The following TENM2 variants were observed in gnomAD, a reference collection of about 807,000 sequenced individuals.
TENM2 encodes teneurin-2.
Under a neutral mutation model 245.2 loss-of-function variants are expected in TENM2, and 52 were observed. The observed-to-expected ratio is 0.21, with a 90% confidence interval of 0.17 to 0.27. The LOEUF (loss-of-function observed/expected upper bound fraction) is 0.27. Ranked by LOEUF, TENM2 falls within the 10% of genes least tolerant of loss-of-function variation. TENM2 has a pLI of 1.00. For missense variants in TENM2, 3,046 were observed against 3,666.8 expected, an observed-to-expected ratio of 0.83 and a Z score of 4.37; for synonymous variants, 1,363 against 1,438.9, an observed-to-expected ratio of 0.95 and a Z score of 1.19.
At chr5:168,079,907 T>C (rs6859094) in intron 7 of TENM2, among the ~76,000 whole-genome samples, 64,638 of 152,008 alleles carry the variant, frequency 0.43, 14,930 homozygotes, top group African/African-American at 0.6. Context: ...TTGTTGTGTC[T>C]CTGCCAGGCT....
chr5:167,900,111 T>TAAAAAAAAAAAAAAAAAAA lies in TENM2; in HGVS notation c.712+23920_712+23938dup, dbSNP rs71853736. ...CTTTCTGTCTGTGCCCTCAACCCACTAAAAAAAAAAAAAAAAAAAAAAGGG... is the reference window on the plus strand; with the variant it reads ...CTTTCTGTCTGTGCCCTCAACCCACTAAAAAAAAAAAAAAAAAAAAAAAAAAAAAAAAAAAAAAAAAGGG... On this transcript the variant is annotated intron_variant, in intron 3 of 28. Transcript: ENST00000518659. Among the ~76,000 whole-genome samples, 5 of 43,464 alleles carry TAAAAAAAAAAAAAAAAAAA rather than the reference T, an allele frequency of 1.2e-4. 1 individual carries two copies. Among genetic ancestry groups the TAAAAAAAAAAAAAAAAAAA allele is most frequent in the African/African-American group, 6.0e-4 (5 of 8,314 alleles). The allele number at this position is 43,464 out of a possible 152,430, so 28.5% of individuals were successfully genotyped here.
chr5:167,437,760 T>G (rs575380973), intron 2 of TENM2, among the ~76,000 whole-genome samples: 1 of 152,294 alleles, frequency 6.6e-6, no homozygotes, highest in East Asian at 1.9e-4. Flanking sequence ...ATCTGATGAT[T>G]TGAAAAGGAC....
chr5:168,140,117 G>GTAAC (rs1360700791), intron 12 of TENM2, among the ~76,000 whole-genome samples: 1 of 152,138 alleles, frequency 6.6e-6, no homozygotes, highest in Admixed American at 6.5e-5. Flanking sequence ...TCTCTCCTTG[G>GTAAC]TAACTGGTTT....
chr5:168,051,767 T>G (rs1458484683), intron 6 of TENM2, among the ~76,000 whole-genome samples: 1 of 152,206 alleles, frequency 6.6e-6, no homozygotes. Context: ...TCCTCATCTG[T>G]GAAATGCAAC....
chr5:167,730,504 C>G (rs1435482173), intron 2 of TENM2, among the ~76,000 whole-genome samples: 3 of 152,072 alleles, frequency 2.0e-5, no homozygotes, highest in Admixed American at 1.3e-4. Flanking sequence ...ATTTCTAGGG[C>G]TTTTTGTGAA....
At chr5:167,284,374 G>T (rs1394118269), upstream of TENM2, among the ~76,000 whole-genome samples, 1 of 152,030 alleles carries the variant, frequency 6.6e-6, no homozygotes, top group Admixed American at 6.6e-5. Flanking sequence ...GGTGGTATTT[G>T]TTTTCTACCC....
At chr5:167,998,916 C>T (rs1784242547) in intron 5 of TENM2, among the ~76,000 whole-genome samples, 2 of 152,070 alleles carry the variant, frequency 1.3e-5, no homozygotes, top group African/African-American at 4.8e-5. Flanking sequence ...AAACTAAAAG[C>T]CTACCATGTG....
intron 2 of TENM2, among the ~76,000 whole-genome samples, chr5:167,866,391 A>G (rs1772323573): frequency 6.6e-6 from 1 of 151,572 alleles, no homozygotes; most frequent in African/African-American, 2.4e-5. Context: ...CTAGCTACTC[A>G]GGAGGCTGAG....
At chr5:168,134,169 CA>C (rs1169805512) in intron 12 of TENM2, among the ~76,000 whole-genome samples, 1 of 151,774 alleles carries the variant, frequency 6.6e-6, no homozygotes, top group Non-Finnish European at 1.5e-5. Flanking sequence ...AAAAACAAAA[CA>C]AAACAAAAAA....
chr5:167,154,429 G>A, the TENM2 span, among the ~76,000 whole-genome samples: 9 of 152,152 alleles, frequency 5.9e-5, no homozygotes, highest in Admixed American at 5.9e-4. Flanking sequence ...GCATGTGAAT[G>A]ATAGAAATAG....
chr5:167,861,466 T>C (rs932921725), intron 2 of TENM2, among the ~76,000 whole-genome samples: 5 of 152,194 alleles, frequency 3.3e-5, no homozygotes, highest in African/African-American at 1.2e-4. Flanking sequence ...CCCCAGAGCC[T>C]AAGAGCCAAG....
chr5:168,120,535 T>A (rs1292884629), intron 10 of TENM2, among the ~76,000 whole-genome samples: 2 of 152,200 alleles, frequency 1.3e-5, no homozygotes, highest in African/African-American at 4.8e-5. Context: ...TACACAGCTG[T>A]ATGCATGGAA....
chr5:168,157,024 A>G (rs1231181717), intron 12 of TENM2, among the ~76,000 whole-genome samples: 2 of 152,200 alleles, frequency 1.3e-5, no homozygotes, highest in Non-Finnish European at 2.9e-5. Flanking sequence ...GTCTTAAGGA[A>G]GAGCTGCTAC....
intron 2 of TENM2, among the ~76,000 whole-genome samples, chr5:167,674,274 G>C (rs750365951): frequency 6.6e-6 from 1 of 152,042 alleles, no homozygotes; most frequent in Non-Finnish European, 1.5e-5. Flanking sequence ...TGCAGGTCAG[G>C]TCACCTTAGG....
chr5:167,750,932 T>C (rs1362822230), intron 2 of TENM2, among the ~76,000 whole-genome samples: 1 of 152,190 alleles, frequency 6.6e-6, no homozygotes, highest in Non-Finnish European at 1.5e-5. Context: ...AGAAAATTTA[T>C]AGAATAGAAT....
At chr5:167,814,962 G>A (rs1583078802) in intron 2 of TENM2, among the ~76,000 whole-genome samples, 1 of 152,158 alleles carries the variant, frequency 6.6e-6, no homozygotes, top group Admixed American at 6.5e-5. Context: ...TGTTAATAGA[G>A]GAGGCAGAGC....
chr5:167,377,521 T>C (rs1760833779), intron 2 of TENM2, among the ~76,000 whole-genome samples: 2 of 152,226 alleles, frequency 1.3e-5, no homozygotes, highest in South Asian at 4.1e-4. Flanking sequence ...TAAAACATTT[T>C]TTCAATATTT....
At chr5:168,013,583 G>A (rs1224547462) in intron 5 of TENM2, among the ~76,000 whole-genome samples, 1 of 150,406 alleles carries the variant, frequency 6.6e-6, no homozygotes, top group African/African-American at 2.5e-5. Context: ...CTGCCTGGGT[G>A]ACAAAGCAAG....
chr5:167,021,598 C>A, the TENM2 span, among the ~76,000 whole-genome samples: 1 of 152,138 alleles, frequency 6.6e-6, no homozygotes, highest in South Asian at 2.1e-4. Flanking sequence ...CAGATTATAC[C>A]ATATGTTGCT....
Sources: gnomAD v4.1 joint callset for allele counts (sites outside exome capture counted in the v4.1 genomes callset) on GRCh38, gnomAD v4.1.1 for gene constraint, MANE v1.5 for transcripts, NCBI Gene and HGNC (gene_info 2026-07-23, HGNC 2026-07-21) for gene names.